The following LHPP variants were observed in gnomAD, a reference collection of about 807,000 sequenced individuals.
LHPP encodes the protein hLHPP.
In LHPP, 24 loss-of-function variants were observed where a neutral mutation model predicts 30.3. The ratio of observed to expected loss-of-function variants is 0.79; its 90% CI spans 0.57 to 1.11. The LOEUF (loss-of-function observed/expected upper bound fraction) is 1.11, where lower values mean the gene tolerates loss of function less well. Among genes scored for constraint, LHPP ranks in the 50% most tolerant of loss-of-function variants. LHPP has a pLI of 0.00. For missense variants in LHPP, 356 were observed against 367.2 expected, an observed-to-expected ratio of 0.97 and a Z score of 0.25; for synonymous variants, 150 against 157.1, an observed-to-expected ratio of 0.95 and a Z score of 0.34.
intron 6 of LHPP, among the ~76,000 whole-genome samples, chr10:124,563,130 C>T (rs1342045053): frequency 6.6e-6 from 1 of 151,928 alleles, no homozygotes; most frequent in Non-Finnish European, 1.5e-5. Flanking sequence ...GGGCAGTTAT[C>T]AGAGAAATGA....
chr10:124,477,055 T>C (rs1259314024), intron 1 of LHPP, among the ~76,000 whole-genome samples: 1 of 152,110 alleles, frequency 6.6e-6, no homozygotes, highest in Non-Finnish European at 1.5e-5. Context: ...ATACAAAAAT[T>C]AGCTGTGCAT....
chr10:124,547,146 T>G (rs1955369415), intron 6 of LHPP, among the ~76,000 whole-genome samples: 1 of 152,212 alleles, frequency 6.6e-6, no homozygotes, highest in South Asian at 2.1e-4. Flanking sequence ...CAGATACCAC[T>G]TTCTAAGTCA....
At chr10:124,582,007 C>T (rs1342832426) in intron 6 of LHPP, among the ~76,000 whole-genome samples, 7 of 152,128 alleles carry the variant, frequency 4.6e-5, no homozygotes, top group Admixed American at 4.6e-4. Context: ...TGGTCTCGAT[C>T]TCCTGACCTC....
At chr10:124,601,335 C>G (rs1013930494) in intron 6 of LHPP, among the ~76,000 whole-genome samples, 4 of 152,238 alleles carry the variant, frequency 2.6e-5, no homozygotes, top group African/African-American at 9.6e-5. Context: ...TTCAGATTTT[C>G]TCAAGAAGCC....
chr10:124,557,708 C>T (rs1948326596), intron 6 of LHPP, among the ~76,000 whole-genome samples: 1 of 152,150 alleles, frequency 6.6e-6, no homozygotes, highest in African/African-American at 2.4e-5. Flanking sequence ...GGCTCACTCC[C>T]TGCAGGGCCA....
intron 6 of LHPP, among the ~76,000 whole-genome samples, chr10:124,606,499 G>C (rs913104483): frequency 1.9e-4 from 2 of 10,758 alleles, no homozygotes; most frequent in African/African-American, 7.0e-4. Context: ...GAGGGGGCAG[G>C]GCCAGCGCCA....
intron 6 of LHPP, among the ~76,000 whole-genome samples, chr10:124,607,878 C>T (rs1244508251): frequency 6.6e-6 from 1 of 152,196 alleles, no homozygotes; most frequent in Non-Finnish European, 1.5e-5. Context: ...TCCTTGTAAG[C>T]GTGGGCTGGG....
chr10:124,537,605 G>C (rs755646541), intron 6 of LHPP, among the ~76,000 whole-genome samples: 3 of 152,212 alleles, frequency 2.0e-5, no homozygotes, highest in Non-Finnish European at 2.9e-5. Context: ...GACCGTGCTC[G>C]TGAGAGATGG....
At chr10:124,567,267 G>C (rs1416686277) in intron 6 of LHPP, among the ~76,000 whole-genome samples, 1 of 152,234 alleles carries the variant, frequency 6.6e-6, no homozygotes, top group Non-Finnish European at 1.5e-5. Context: ...GTGTCCACAG[G>C]CCTGGGCAGA....
chr10:124,542,407 G>T (rs1229098447), intron 6 of LHPP, among the ~76,000 whole-genome samples: 1 of 152,240 alleles, frequency 6.6e-6, no homozygotes, highest in African/African-American at 2.4e-5. Context: ...GGACCCACCT[G>T]AGGGGATGCA....
rs754542173 is a variant in LHPP, at chr10:124,498,138, C to T, written c.624+10C>T. 2.9e-5 allele frequency: 46 copies of T among 1,610,558 alleles called. 1 individual carries two copies. The highest frequency in any genetic ancestry group is 2.5e-4 in the South Asian group (23 of 90,976). Reference sequence around the variant, plus strand: ...AGTGGAAGCCCACCAGGTAGGTTGGCGCCTTGTGAAGTGGGTCAGGGGAGG... The same window carrying T: ...AGTGGAAGCCCACCAGGTAGGTTGGTGCCTTGTGAAGTGGGTCAGGGGAGG... On this transcript the variant is annotated intron_variant, in intron 5 of 6. Transcript: ENST00000368842.
intron 5 of LHPP, among the ~76,000 whole-genome samples, chr10:124,503,824 CAA>C (rs1953983729): frequency 6.7e-6 from 1 of 149,556 alleles, no homozygotes; most frequent in South Asian, 2.1e-4. Context: ...ATTTAAGAGA[CAA>C]ATTCTCAAAA....
intron 6 of LHPP, among the ~76,000 whole-genome samples, chr10:124,603,697 C>G (rs1408597621): frequency 1.3e-5 from 2 of 152,218 alleles, no homozygotes; most frequent in Non-Finnish European, 2.9e-5. Context: ...CTGATGTGGC[C>G]CTGGACCCTC....
intron 6 of LHPP, among the ~76,000 whole-genome samples, chr10:124,571,351 G>A (rs1009999009): frequency 6.6e-6 from 1 of 152,214 alleles, no homozygotes; most frequent in African/African-American, 2.4e-5. Flanking sequence ...GGCTCATGTG[G>A]TAATTCATGT....
intron 6 of LHPP, among the ~76,000 whole-genome samples, chr10:124,578,608 G>A (rs1049391312): frequency 2.0e-5 from 3 of 152,232 alleles, no homozygotes; most frequent in Admixed American, 2.0e-4. Context: ...AGTGTGGGAG[G>A]GAGAGGGTTC....
chr10:124,561,644 C>G (rs1238873693), intron 6 of LHPP, among the ~76,000 whole-genome samples: 1 of 151,744 alleles, frequency 6.6e-6, no homozygotes, highest in Non-Finnish European at 1.5e-5. Context: ...GCACCTCCCC[C>G]ACCTCAGTGT....
In LHPP at chr10:124,478,688, T is replaced by C. The variant is rs1953029859; in HGVS notation, c.126-5451T>C. Among the ~76,000 whole-genome samples the C allele has an allele frequency of 6.6e-6, 1 of 152,212 alleles. No individual in the cohort carries two copies. Among genetic ancestry groups the C allele is most frequent in the African/African-American group, 2.4e-5 (1 of 41,464 alleles). On this transcript the variant is annotated intron_variant, in intron 1 of 6. Transcript: ENST00000368842. This position sits in a 1 kb window ranked among gnomAD's most constrained non-coding sequence, Gnocchi z 4.7. ...GCCGGTTCATCTGATGCACGGTAAT[T>C]GCCCCGGGCGATGTTGTCACTCAGA...
At chr10:124,578,540 A>G (rs1427278449) in intron 6 of LHPP, among the ~76,000 whole-genome samples, 1 of 152,204 alleles carries the variant, frequency 6.6e-6, no homozygotes, top group Non-Finnish European at 1.5e-5. Flanking sequence ...ACGGGCTCTG[A>G]TCAGGAGGCA....
In LHPP at chr10:124,590,899, C is replaced by T. The variant is rs1948875396; in HGVS notation, c.717-22365C>T. Among the ~76,000 whole-genome samples, 1 of 152,238 alleles carries T rather than the reference C, an allele frequency of 6.6e-6. No homozygotes were observed. Among genetic ancestry groups the T allele is most frequent in the Non-Finnish European group, 1.5e-5 (1 of 68,044 alleles). On this transcript the variant is annotated intron_variant, in intron 6 of 6. Coordinates refer to ENST00000368842, the MANE Select transcript of LHPP (RefSeq NM_022126.4). This position sits in a 1 kb window ranked among gnomAD's most constrained non-coding sequence, Gnocchi z 4.3. Reference sequence around the variant, plus strand: ...GGGATGGGACTGTGTCATTGGTAAACACTGCAACAGGCCTCCTTTCCAGGA... The same window carrying T: ...GGGATGGGACTGTGTCATTGGTAAATACTGCAACAGGCCTCCTTTCCAGGA...
Sources: allele counts gnomAD v4.1 joint callset (sites outside exome capture counted in the v4.1 genomes callset), GRCh38; gene constraint gnomAD v4.1.1; non-coding constraint Gnocchi (gnomAD v3.1); transcripts MANE v1.5; gene names NCBI Gene and HGNC (gene_info 2026-07-23, HGNC 2026-07-21).